Variants in ANKHD1 observed in about 807,000 individuals in gnomAD.
ANKHD1 encodes the protein ankyrin repeat and KH domain containing 1, also known as ankyrin repeat and KH domain-containing protein 1.
ANKHD1 carries 31 observed loss-of-function variants against 230.5 expected under a neutral mutation model. That is an observed-to-expected ratio of 0.13 (90% confidence interval 0.10 to 0.18). ANKHD1 has a LOEUF of 0.18. ANKHD1 is among the 10% of genes least tolerant of loss of function. The pLI is 1.00. For synonymous variants in ANKHD1, 1,074 were observed against 1,117.6 expected (o/e 0.96, Z 0.78); for missense variants, 2,256 against 3,071.3 (o/e 0.73, Z 6.27).
intron 10 of ANKHD1, among the ~76,000 whole-genome samples, chr5:140,469,624 T>C (rs1171883325): frequency 6.6e-6 from 1 of 152,136 alleles, no homozygotes; most frequent in East Asian, 1.9e-4. Flanking sequence ...TGGAAGTATG[T>C]GAAGACACCA....
Position 140,507,748 on chromosome 5 carries a change from T to C in ANKHD1, c.3552-37T>C, listed in dbSNP as rs1401066065. The C allele has an allele frequency of 1.2e-6, 2 of 1,602,410 alleles. No homozygotes were observed. Among genetic ancestry groups the C allele is most frequent in the Non-Finnish European group, 8.5e-7 (1 of 1,171,968 alleles). On this transcript the variant is annotated intron_variant, in intron 19 of 33. Transcript: ENST00000360839. This position sits in a 1 kb window ranked among gnomAD's most constrained non-coding sequence, Gnocchi z 4.1. ...TGCTTTTCTAAAATAATAGGCAACA[T>C]ATTATTTTAATTTTCTAAGCACATT...
In ANKHD1 at chr5:140,526,107, T is replaced by A. The variant is rs1335481068; in HGVS notation, c.4604T>A (p.Val1535Glu). The A allele has an allele frequency of 6.2e-7, 1 of 1,613,900 alleles. No homozygotes were observed. The highest frequency in any genetic ancestry group is 8.5e-7 in the Non-Finnish European group (1 of 1,179,988). ...TNVFGKKRAN[V>E]VTTPSTNRKN... The stretch of plus-strand genomic sequence containing the variant: ...GTGTTTGGGAAAAAAAGGGCCAATG[T>A]GGTGACAACTCCCAGCACCAATCGG... Residue 1535 changes from valine to glutamate, a missense_variant, in exon 26 of 34, where the codon GTG (valine) becomes GAG (glutamate). Around this residue, in one of 13 missense-constraint regions of ANKHD1, gnomAD observed 212 missense variants for 257.3 expected, o/e 0.82. Coordinates refer to ENST00000360839, the MANE Select transcript of ANKHD1 (RefSeq NM_017747.3).
At chr5:140,405,569 T>C (rs1220245867) in intron 1 of ANKHD1, among the ~76,000 whole-genome samples, 1 of 152,240 alleles carries the variant, frequency 6.6e-6, no homozygotes, top group Non-Finnish European at 1.5e-5. Context: ...AAAATACTCA[T>C]GTAATTGGCA....
intron 24 of ANKHD1, among the ~76,000 whole-genome samples, chr5:140,514,926 TGTGCA>T (rs11276959): frequency 0.021 from 3,141 of 150,022 alleles, 113 homozygotes; most frequent in African/African-American, 0.073. Context: ...GAGCTATGAT[TGTGCA>T]ATGAGCCACT....
At position 140,485,773 on chromosome 5, in the gene ANKHD1, T is replaced by A. The variant is rs1362144090; in HGVS notation, c.2142+41T>A. 1 of 1,602,060 alleles carries A rather than the reference T, an allele frequency of 6.2e-7. No homozygotes were observed. The highest frequency in any genetic ancestry group is 1.3e-5 in the African/African-American group (1 of 74,110). ...GCTTGTTTGTTAATATAAATATTCT[T>A]CAACATGATTAGAAGTTTTTGTTTA... On this transcript the variant is annotated intron_variant, in intron 13 of 33. Transcript: ENST00000360839. The surrounding 1 kb of genome is among the most constrained non-coding windows in gnomAD (Gnocchi z 4.8).
chr5:140,529,678 T>G lies in ANKHD1; in HGVS notation c.6732T>G (p.Thr2244=). The G allele has an allele frequency of 6.2e-7, 1 of 1,614,198 alleles. No homozygotes were observed. ...GAGTTGCTACAGATGCCTCTTTCAC[T>G]GTTCAGTCAGCGTTCCTGGGTAACT... ...SSRVATDASF[T]VQSAFLGNSV... The change falls in exon 29 of 34, where the codon ACT becomes ACG. Residue 2244 remains threonine, a synonymous_variant. Coordinates refer to ENST00000360839, the MANE Select transcript of ANKHD1 (RefSeq NM_017747.3).
At chr5:140,497,391 A>C in intron 15 of ANKHD1, 113 bp downstream of exon 15, 1 of 1,450,956 alleles carries the variant, frequency 6.9e-7, no homozygotes. Flanking sequence ...AACTTTGTAA[A>C]ATTACCCATT....
chr5:140,418,000 C>T (rs559465534), intron 1 of ANKHD1, among the ~76,000 whole-genome samples: 2 of 151,598 alleles, frequency 1.3e-5, no homozygotes, highest in Non-Finnish European at 2.9e-5. Flanking sequence ...CCACCACGCC[C>T]GGCTAGTTTT....
intron 2 of ANKHD1, among the ~76,000 whole-genome samples, chr5:140,437,471 G>A (rs1202185868): frequency 6.6e-6 from 1 of 152,236 alleles, no homozygotes; most frequent in Non-Finnish European, 1.5e-5. Context: ...GGGAGGCCGA[G>A]GCAGGTGGAT....
At chr5:140,426,421 C>T (rs1418551415) in intron 1 of ANKHD1, among the ~76,000 whole-genome samples, 3 of 152,258 alleles carry the variant, frequency 2.0e-5, no homozygotes, top group South Asian at 2.1e-4. Context: ...TGAGCCACTG[C>T]GCCCAGCTGG....
intron 14 of ANKHD1, 38 bp from the exon 15 acceptor site, chr5:140,496,482 T>TTTA: frequency 5.8e-6 from 6 of 1,036,350 alleles, no homozygotes; most frequent in Non-Finnish European, 7.6e-6. Context: ...TTTTTTTTTT[T>TTTA]AGCATGGCAC....
At chr5:140,518,717 G>A (rs13180584) in intron 24 of ANKHD1, among the ~76,000 whole-genome samples, 45,654 of 151,912 alleles carry the variant, frequency 0.3, 8,532 homozygotes, top group East Asian at 0.51. Context: ...TGCAGAAAAG[G>A]CCTTTGACAA....
Position 140,527,807 on chromosome 5 carries a change from TA to T in ANKHD1, c.5088-64del. ...CCAAAATGTCCATGAACATACTTAC[TA>T]AGACATCTTTCTTAATAAAGAGACA... On this transcript the variant is annotated intron_variant, in intron 27 of 33. Transcript: ENST00000360839. This position sits in a 1 kb window ranked among gnomAD's most constrained non-coding sequence, Gnocchi z 4.5. 6.6e-7 allele frequency: 1 copy of T among 1,521,356 alleles called. No individual in the cohort carries two copies. The highest frequency in any genetic ancestry group is 1.3e-5 in the South Asian group (1 of 75,112). The allele number at this position is 1,521,356 out of a possible 1,614,324, so 94.2% of individuals were successfully genotyped here.
chr5:140,436,161 T>G lies in ANKHD1; in HGVS notation c.364T>G (p.Ser122Ala), dbSNP rs369685774. The G allele has an allele frequency of 1.9e-5, 30 of 1,607,582 alleles. No homozygotes were observed. Among genetic ancestry groups the G allele is most frequent in the Non-Finnish European group, 2.2e-5 (26 of 1,177,230 alleles). Reference protein sequence around the residue: ...DLDNPVLKTTSEIFLSSTAEG... With the variant: ...DLDNPVLKTTAEIFLSSTAEG... The stretch of plus-strand genomic sequence containing the variant: ...GGATAACCCAGTGCTTAAAACAACA[T>G]CAGAGATATTCTTATCAAGTACTGC... Residue 122 changes from serine (S) to alanine (A), a missense_variant, in exon 2 of 34, where the codon TCA (serine) becomes GCA (alanine). Physicochemically the swap from Ser to Ala is moderately conservative, Grantham distance 99 (BLOSUM62 1). This residue lies in a region of ANKHD1 where 193 missense variants were observed against 185.8 expected (regional missense o/e 1.04). Coordinates refer to ENST00000360839, the MANE Select transcript of ANKHD1 (RefSeq NM_017747.3).
At chr5:140,413,411 C>T (rs978845032) in intron 1 of ANKHD1, among the ~76,000 whole-genome samples, 12 of 152,154 alleles carry the variant, frequency 7.9e-5, no homozygotes, top group African/African-American at 2.9e-4. Context: ...AGTGTATTTA[C>T]ATTGTTGTGC....
Position 140,535,362 on chromosome 5 carries a change from G to T in ANKHD1, c.6851G>T (p.Gly2284Val). ...PSQRVSTSPV[G>V]LPSIDPSGSS... ...ATGTCTTGGACCTGTTTTATTTCAG[G>T]GTTACCATCCATTGACCCATCAGGC... Residue 2284 changes from glycine to valine, a missense_variant and splice_region_variant, in exon 30 of 34, where the codon GGG becomes GTG. Gly to Val is a moderately radical substitution (Grantham distance 109). Around this residue, in one of 13 missense-constraint regions of ANKHD1, gnomAD observed 778 missense variants for 966.5 expected, o/e 0.80. Coordinates refer to ENST00000360839, the MANE Select transcript of ANKHD1 (RefSeq NM_017747.3). 1 of 1,587,172 alleles carries T rather than the reference G, an allele frequency of 6.3e-7. No individual in the cohort carries two copies. The highest frequency in any genetic ancestry group is 1.4e-5 in the African/African-American group (1 of 73,426).
intron 3 of ANKHD1, among the ~76,000 whole-genome samples, chr5:140,438,942 G>T (rs1328526062): frequency 6.6e-6 from 1 of 152,108 alleles, no homozygotes; most frequent in Non-Finnish European, 1.5e-5. Flanking sequence ...ACTCTAAACC[G>T]AGTGCTTGAG....
rs757022986 is a variant in ANKHD1, at chr5:140,505,767, A to T, written c.3306A>T (p.Gly1102=). The change falls in exon 18 of 34, where the codon GGA becomes GGT. Residue 1102 remains glycine, a synonymous_variant. Coordinates refer to ENST00000360839, the MANE Select transcript of ANKHD1 (RefSeq NM_017747.3). ...LILAATAGHV[G]VVEILLDKGG... is the part of the protein sequence containing the mutation. ...TGGCAGCAACAGCAGGGCATGTTGG[A>T]GTTGTTGAAATCCTTTTGGATAAAG... 21 of 1,612,754 alleles carry T rather than the reference A, an allele frequency of 1.3e-5. No homozygotes were observed. The highest frequency in any genetic ancestry group is 7.6e-6 in the Non-Finnish European group (9 of 1,179,588).
intron 24 of ANKHD1, among the ~76,000 whole-genome samples, chr5:140,519,836 C>A (rs1165584660): frequency 6.6e-6 from 1 of 151,908 alleles, no homozygotes; most frequent in East Asian, 1.9e-4. Context: ...TAGAAGAAAA[C>A]CTAGGCATTA....
Sources: allele counts gnomAD v4.1 joint callset (sites outside exome capture counted in the v4.1 genomes callset), GRCh38; gene constraint gnomAD v4.1.1; regional missense constraint gnomAD v4.1.1; non-coding constraint Gnocchi (gnomAD v3.1); transcripts MANE v1.5; gene names NCBI Gene and HGNC (gene_info 2026-07-23, HGNC 2026-07-21).